Variants in TFG observed in about 807,000 individuals in gnomAD.
TFG encodes trafficking from ER to golgi regulator, also known as protein TFG.
In TFG, 22 loss-of-function variants were observed where a neutral mutation model predicts 51.4. The observed-to-expected ratio is 0.43, with a 90% CI of 0.31 to 0.61. The LOEUF is 0.61. TFG is among the 20% of genes least tolerant of loss of function. The pLI is 0.12. For missense variants in TFG, 419 were observed against 487.7 expected (o/e 0.86, Z 1.33); for synonymous variants, 187 against 165.6 (o/e 1.13, Z -0.99).
chr3:100,729,980 C>G (rs1452207030), intron 4 of TFG, among the ~76,000 whole-genome samples: 2 of 152,118 alleles, frequency 1.3e-5, no homozygotes, highest in Non-Finnish European at 2.9e-5. Context: ...TCCTCTTGGT[C>G]ACTTTATGAT....
At position 100,744,917 on chromosome 3, in the gene TFG, G is replaced by A. The variant is rs587777789; in HGVS notation, c.806G>A (p.Gly269Asp). 1 of 1,611,554 alleles carries A rather than the reference G, an allele frequency of 6.2e-7. No homozygotes were observed. Among genetic ancestry groups the A allele is most frequent in the Admixed American group, 1.7e-5 (1 of 59,906 alleles). The change falls in exon 7 of 8, where the codon GGT becomes GAT. Residue 269 changes from glycine to aspartate, a missense_variant. Transcript: ENST00000240851. Reference sequence around the variant, plus strand: ...CCACCTCAGCAGCCTCAACAGTATGGTATTCAGTATTCAGGTGAGCAGGTG... The same window carrying A: ...CCACCTCAGCAGCCTCAACAGTATGATATTCAGTATTCAGGTGAGCAGGTG... The part of the protein sequence containing the change: ...QAPPQQPQQY[G>D]IQYSASYSQQ...
intron 2 of TFG, among the ~76,000 whole-genome samples, chr3:100,714,555 A>G (rs967176071): frequency 1.5e-5 from 2 of 137,142 alleles, no homozygotes; most frequent in African/African-American, 5.3e-5. Context: ...GTGTTAGAAC[A>G]TTTTCACATA....
At chr3:100,718,236 CT>C (rs34256650) in intron 2 of TFG, among the ~76,000 whole-genome samples, 1 of 152,118 alleles carries the variant, frequency 6.6e-6, no homozygotes, top group Non-Finnish European at 1.5e-5. Context: ...CTTTAACTGC[CT>C]TTTTTCCCAC....
At chr3:100,747,670 G>T (rs1227684057) in intron 7 of TFG, among the ~76,000 whole-genome samples, 1 of 152,100 alleles carries the variant, frequency 6.6e-6, no homozygotes, top group African/African-American at 2.4e-5. Context: ...TAAAGATTGT[G>T]AAAATGGTAC....
chr3:100,721,280 A>G (rs2095060097), intron 3 of TFG, among the ~76,000 whole-genome samples: 1 of 152,108 alleles, frequency 6.6e-6, no homozygotes, highest in Non-Finnish European at 1.5e-5. Context: ...TCCAGGGAAC[A>G]AAAAAGTAGA....
Position 100,713,875 on chromosome 3 carries a change from A to C in TFG, c.184+6A>C. ...AATAAAGTATAAAGATGAAGGTAAG[A>C]GTGTTTTTAAAGCTATTTTTTAAAG... On this transcript the variant is annotated splice_donor_region_variant and intron_variant, in intron 2 of 7. Transcript: ENST00000240851. 1 of 1,418,040 alleles carries C rather than the reference A, an allele frequency of 7.1e-7. No individual in the cohort carries two copies. Among genetic ancestry groups the C allele is most frequent in the Non-Finnish European group, 9.5e-7 (1 of 1,056,164 alleles). The allele number at this position is 1,418,040 out of a possible 1,614,324, so 87.8% of individuals were successfully genotyped here. A position where few individuals can be genotyped will look rare whatever the true frequency, so the allele number is the denominator to read the frequency against.
intron 6 of TFG, among the ~76,000 whole-genome samples, chr3:100,737,231 G>C (rs1386887637): frequency 2.0e-5 from 3 of 152,154 alleles, no homozygotes; most frequent in Non-Finnish European, 4.4e-5. Context: ...TTTTAAGTCA[G>C]ACTTTTTCTT....
In TFG at chr3:100,720,076, T is replaced by A. The variant is rs767431238; in HGVS notation, c.268+18T>A. ...ATTATTTGGTGAGTAGTAAACTTTCTAATGAATTTACTATTTTATTCATTG... is the reference window on the plus strand; with the variant it reads ...ATTATTTGGTGAGTAGTAAACTTTCAAATGAATTTACTATTTTATTCATTG... On this transcript the variant is annotated intron_variant, in intron 3 of 7. Transcript: ENST00000240851. The A allele has an allele frequency of 6.3e-6, 9 of 1,432,234 alleles. No homozygotes were observed. The highest frequency in any genetic ancestry group is 8.5e-6 in the Non-Finnish European group (9 of 1,053,306). 88.7% of individuals were successfully genotyped at this position (1,432,234 alleles called of 1,614,324 possible). A position where few individuals can be genotyped will look rare whatever the true frequency, so the allele number is the denominator to read the frequency against.
chr3:100,725,261 T>C (rs955763665), intron 3 of TFG, among the ~76,000 whole-genome samples: 2 of 152,142 alleles, frequency 1.3e-5, no homozygotes, highest in African/African-American at 4.8e-5. Flanking sequence ...ACAACTGCTG[T>C]ATGCCTAATA....
At chr3:100,737,244 G>A (rs1161992614) in intron 6 of TFG, among the ~76,000 whole-genome samples, 1 of 152,122 alleles carries the variant, frequency 6.6e-6, no homozygotes, top group Non-Finnish European at 1.5e-5. Flanking sequence ...TTTTTCTTCT[G>A]AAATAATCTG....
chr3:100,713,484 A>G (rs1011590538), intron 1 of TFG, among the ~76,000 whole-genome samples, 159 bp from the exon 2 acceptor site: 3 of 152,248 alleles, frequency 2.0e-5, no homozygotes, highest in Non-Finnish European at 4.4e-5. Context: ...TTATCCCTAC[A>G]GTAAAATAAT....
At chr3:100,710,735 A>G (rs1283624201) in intron 1 of TFG, among the ~76,000 whole-genome samples, 2 of 152,188 alleles carry the variant, frequency 1.3e-5, no homozygotes, top group Non-Finnish European at 2.9e-5. Flanking sequence ...ACAAGTTAGA[A>G]GCCGAGTCAT....
chr3:100,739,618 A>C (rs192162544), intron 6 of TFG, among the ~76,000 whole-genome samples: 1 of 152,326 alleles, frequency 6.6e-6, no homozygotes, highest in East Asian at 1.9e-4. Context: ...AGTAGCCTTT[A>C]TTATGTAAAT....
intron 5 of TFG, 117 bp from the exon 6 acceptor site, chr3:100,736,459 G>A (rs1464840966): frequency 1.1e-5 from 12 of 1,103,256 alleles, no homozygotes; most frequent in Non-Finnish European, 1.5e-5. Flanking sequence ...AGGCGTATTT[G>A]TGGTTATATA....
chr3:100,739,411 A>T (rs1243388603), intron 6 of TFG, among the ~76,000 whole-genome samples: 2 of 152,122 alleles, frequency 1.3e-5, no homozygotes, highest in Non-Finnish European at 2.9e-5. Context: ...ACCAAAAGGG[A>T]TAATGTTACT....
Position 100,713,753 on chromosome 3 carries a change from G to T in TFG, c.68G>T (p.Arg23Leu), listed in dbSNP as rs774808090. 4.3e-6 allele frequency: 7 copies of T among 1,610,662 alleles called. No homozygotes were observed. Among genetic ancestry groups the T allele is most frequent in the Non-Finnish European group, 5.9e-6 (7 of 1,177,924 alleles). ...IKAQLGEDIRRIPIHNEDITY... is the reference protein window; with the variant it reads ...IKAQLGEDIRLIPIHNEDITY... Reference sequence around the variant, plus strand: ...GCTCAACTTGGGGAGGATATTCGGCGAATTCCTATTCATAATGAAGATATT... The same window carrying T: ...GCTCAACTTGGGGAGGATATTCGGCTAATTCCTATTCATAATGAAGATATT... The change falls in exon 2 of 8, where the codon CGA becomes CTA. Residue 23 changes from arginine (R) to leucine (L), a missense_variant. Physicochemically the swap from Arg to Leu is moderately radical, Grantham distance 102 (BLOSUM62 -2). Coordinates refer to ENST00000240851, the MANE Select transcript of TFG (RefSeq NM_006070.6).
chr3:100,736,731 A>G lies in TFG; in HGVS notation c.721+15A>G. The G allele has an allele frequency of 6.2e-7, 1 of 1,611,942 alleles. No individual in the cohort carries two copies. The highest frequency in any genetic ancestry group is 2.2e-5 in the East Asian group (1 of 44,716). On this transcript the variant is annotated intron_variant, in intron 6 of 7. Coordinates refer to ENST00000240851, the MANE Select transcript of TFG (RefSeq NM_006070.6). ...TCAGATTGAAGGTAAAATAGAGTTT[A>G]GAACACATGTTTGGGAAAGTACATG...
intron 5 of TFG, among the ~76,000 whole-genome samples, chr3:100,734,438 G>A (rs1422359009): frequency 1.3e-5 from 2 of 152,026 alleles, no homozygotes; most frequent in African/African-American, 2.4e-5. Flanking sequence ...TCACTTCCGG[G>A]ATTTTCCTCC....
chr3:100,715,923 C>CT lies in TFG; in HGVS notation c.184+2064dup, dbSNP rs897958421. On this transcript the variant is annotated intron_variant, in intron 2 of 7. Transcript: ENST00000240851. Reference sequence around the variant, plus strand: ...TTTTTTTAGCAAAGTCCCAAGAGTACTTTTTTTTTTAAATTTTGTTTTAAT... The same window carrying CT: ...TTTTTTTAGCAAAGTCCCAAGAGTACTTTTTTTTTTTAAATTTTGTTTTAAT... Among the ~76,000 whole-genome samples the CT allele has an allele frequency of 3.4e-3, 497 of 146,446 alleles. 4 individuals carry two copies. Among genetic ancestry groups the CT allele is most frequent in the African/African-American group, 0.01 (405 of 39,834 alleles).
Sources: gnomAD v4.1 joint callset for allele counts (sites outside exome capture counted in the v4.1 genomes callset) on GRCh38, gnomAD v4.1.1 for gene constraint, MANE v1.5 for transcripts, NCBI Gene and HGNC (gene_info 2026-07-23, HGNC 2026-07-21) for gene names.